SLC13A1: variants seen among roughly 807,000 people sequenced by gnomAD.
SLC13A1 encodes solute carrier family 13 member 1.
A neutral mutation model predicts 70.0 loss-of-function variants in SLC13A1; 65 were observed. The observed-to-expected ratio is 0.93, with a 90% CI of 0.76 to 1.14. SLC13A1 has a LOEUF of 1.14. SLC13A1 is among the 50% of genes most tolerant of loss of function. The probability of loss-of-function intolerance (pLI) is 0.00; values close to 1 mark genes in which losing one functional copy is unlikely to be tolerated. For missense variants in SLC13A1, 726 were observed against 717.8 expected (o/e 1.01, Z -0.13); for synonymous variants, 275 against 250.5 (o/e 1.10, Z -0.92).
intron 3 of SLC13A1, among the ~76,000 whole-genome samples, chr7:123,171,228 A>T (rs1041306109): frequency 1.3e-5 from 2 of 152,196 alleles, no homozygotes; most frequent in Non-Finnish European, 2.9e-5. Flanking sequence ...CAAATGAGTG[A>T]TTTCATACTC....
chr7:123,186,654 CAATT>C, intron 1 of SLC13A1: 1 of 443,830 alleles, frequency 2.3e-6, no homozygotes, highest in South Asian at 1.6e-5. Flanking sequence ...GACCAGTTGT[CAATT>C]AAGAGTATGA....
intron 11 of SLC13A1, among the ~76,000 whole-genome samples, chr7:123,124,703 G>GTA (rs905446000): frequency 5.9e-5 from 9 of 152,164 alleles, no homozygotes; most frequent in African/African-American, 2.2e-4. Flanking sequence ...GTGTGTGTGT[G>GTA]TGTGTTGAGA....
At position 123,169,310 on chromosome 7, in the gene SLC13A1, T is replaced by C. The variant is rs1209396607; in HGVS notation, c.391A>G (p.Thr131Ala). Residue 131 changes from threonine (T) to alanine (A), a missense_variant, in exon 4 of 15, where the codon ACT becomes GCT. By Grantham distance (58) the Thr-to-Ala change is moderately conservative. Transcript: ENST00000194130. The stretch of plus-strand genomic sequence containing the variant: ...CTGAGCCACATAGACAAAAAGGCAG[T>C]GCTGCTCATGAACCCCAGCGTCAGC... ...AWLTLGFMSSTAFLSMWLSNT... is the reference protein window; with the variant it reads ...AWLTLGFMSSAAFLSMWLSNT... The C allele has an allele frequency of 2.5e-6, 4 of 1,613,132 alleles. No individual in the cohort carries two copies. The highest frequency in any genetic ancestry group is 1.1e-5 in the South Asian group (1 of 91,060).
intron 8 of SLC13A1, among the ~76,000 whole-genome samples, chr7:123,129,801 G>A (rs1258187056): frequency 2.6e-5 from 4 of 152,088 alleles, no homozygotes; most frequent in Non-Finnish European, 5.9e-5. Context: ...TTTGCCATGT[G>A]CCACTTATCT....
At chr7:123,117,819 C>T (rs1271299606) in intron 13 of SLC13A1, among the ~76,000 whole-genome samples, 1 of 151,888 alleles carries the variant, frequency 6.6e-6, no homozygotes, top group Non-Finnish European at 1.5e-5. Context: ...CCCACTTAAA[C>T]ATTACAGTCC....
At chr7:123,138,859 G>A (rs182082997) in intron 7 of SLC13A1, among the ~76,000 whole-genome samples, 20 of 152,102 alleles carry the variant, frequency 1.3e-4, no homozygotes, top group East Asian at 1.2e-3. Flanking sequence ...CTCTCATTCC[G>A]TGGATTTATC....
chr7:123,178,643 C>A (rs1330210135), intron 2 of SLC13A1, among the ~76,000 whole-genome samples: 2 of 152,040 alleles, frequency 1.3e-5, no homozygotes, highest in Admixed American at 1.3e-4. Context: ...AAATCTCTAG[C>A]TCATTCATAA....
At chr7:123,159,466 G>A (rs1261622871) in intron 6 of SLC13A1, among the ~76,000 whole-genome samples, 3 of 152,184 alleles carry the variant, frequency 2.0e-5, no homozygotes, top group African/African-American at 7.2e-5. Context: ...GCCAGAAAGA[G>A]AGGTCTCACT....
rs373837495 is a variant in SLC13A1, at chr7:123,157,629, G to A, written c.661-10319C>T. ...GAGAAAAACCTTGCTCTTTCTAGTT[G>A]TAAAAATGACTGAAACAAAATATAA... On this transcript the variant is annotated intron_variant, in intron 6 of 14. Coordinates refer to ENST00000194130, the MANE Select transcript of SLC13A1 (RefSeq NM_022444.4). Among the ~76,000 whole-genome samples, 40 of 152,066 alleles carry A rather than the reference G, an allele frequency of 2.6e-4. No homozygotes were observed. In the East Asian group the frequency reaches 7.5e-3, roughly 29 times the overall value.
chr7:123,190,065 T>C (rs1002516753), intron 1 of SLC13A1, among the ~76,000 whole-genome samples: 22 of 152,206 alleles, frequency 1.4e-4, no homozygotes, highest in Non-Finnish European at 2.9e-5. Context: ...CACTTAAAGA[T>C]ATCCTTTTAT....
At chr7:123,172,271 A>G (rs1433456472) in intron 2 of SLC13A1, among the ~76,000 whole-genome samples, 1 of 152,176 alleles carries the variant, frequency 6.6e-6, no homozygotes, top group Non-Finnish European at 1.5e-5. Context: ...ATCATGACCC[A>G]TTATGCTGTA....
chr7:123,190,457 C>T (rs1222718572), intron 1 of SLC13A1: 1 of 413,758 alleles, frequency 2.4e-6, no homozygotes. Flanking sequence ...TGGTAACTCA[C>T]CTGGGCTGAG....
At chr7:123,182,450 T>C (rs1176677296) in intron 1 of SLC13A1, among the ~76,000 whole-genome samples, 1 of 152,136 alleles carries the variant, frequency 6.6e-6, no homozygotes, top group African/African-American at 2.4e-5. Context: ...CCAGTCATTA[T>C]ATCTCTCAAA....
At chr7:123,138,341 A>T (rs1207792638) in intron 7 of SLC13A1, among the ~76,000 whole-genome samples, 1 of 152,122 alleles carries the variant, frequency 6.6e-6, no homozygotes, top group African/African-American at 2.4e-5. Flanking sequence ...CATCCAAATC[A>T]TGGCTATTAT....
At chr7:123,154,946 T>A (rs1163103567) in intron 6 of SLC13A1, among the ~76,000 whole-genome samples, 3 of 152,142 alleles carry the variant, frequency 2.0e-5, no homozygotes, top group Non-Finnish European at 4.4e-5. Context: ...AAATGTTACT[T>A]AGAATTTTGA....
intron 8 of SLC13A1, among the ~76,000 whole-genome samples, chr7:123,131,337 T>C (rs1175953836): frequency 6.6e-6 from 1 of 152,138 alleles, no homozygotes; most frequent in Non-Finnish European, 1.5e-5. Context: ...GAGAAAATCA[T>C]AGTAAAGAAG....
chr7:123,144,694 G>A (rs1794290863), intron 7 of SLC13A1, among the ~76,000 whole-genome samples: 1 of 152,138 alleles, frequency 6.6e-6, no homozygotes, highest in South Asian at 2.1e-4. Context: ...TTGTAGAAAT[G>A]ATGCCCCATA....
chr7:123,179,668 T>C (rs1172065089), intron 2 of SLC13A1, among the ~76,000 whole-genome samples: 4 of 152,134 alleles, frequency 2.6e-5, no homozygotes, highest in Admixed American at 2.6e-4. Context: ...TTCCCTCTAA[T>C]GTTTCTATGT....
intron 1 of SLC13A1, among the ~76,000 whole-genome samples, chr7:123,185,794 C>G (rs896477589): frequency 6.6e-6 from 1 of 151,884 alleles, no homozygotes; most frequent in African/African-American, 2.4e-5. Flanking sequence ...ATTTTAGGAT[C>G]GTTTGAGAGC....
Sources: allele counts gnomAD v4.1 joint callset (sites outside exome capture counted in the v4.1 genomes callset), GRCh38; gene constraint gnomAD v4.1.1; transcripts MANE v1.5; gene names NCBI Gene and HGNC (gene_info 2026-07-23, HGNC 2026-07-21).